The following ZNF227 variants were observed in gnomAD, a reference collection of about 807,000 sequenced individuals.
ZNF227 encodes zinc finger protein 227.
In ZNF227, 12 loss-of-function variants were observed where a neutral mutation model predicts 13.2. The observed-to-expected ratio is 0.91, with a 90% confidence interval of 0.58 to 1.47. The LOEUF (loss-of-function observed/expected upper bound fraction) is 1.47, where lower values mean the gene tolerates loss of function less well. Among genes scored for constraint, ZNF227 ranks in the 40% most tolerant of loss-of-function variants. ZNF227 has a pLI of 0.00. For synonymous variants in ZNF227, 338 were observed against 326.0 expected (o/e 1.04, Z -0.40); for missense variants, 885 against 967.5 (o/e 0.91, Z 1.13).
At chr19:44,226,258 G>A (rs1379348358) in intron 3 of ZNF227, among the ~76,000 whole-genome samples, 2 of 152,216 alleles carry the variant, frequency 1.3e-5, no homozygotes, top group African/African-American at 4.8e-5. Flanking sequence ...CAGTCTGCCG[G>A]ATCTCAGATC....
At chr19:44,227,713 A>G (rs1973325810) in intron 3 of ZNF227, among the ~76,000 whole-genome samples, 1 of 152,188 alleles carries the variant, frequency 6.6e-6, no homozygotes, top group African/African-American at 2.4e-5. Context: ...AAAGAAGAGG[A>G]AATTCAGTTA....
In ZNF227 at chr19:44,216,216, T is replaced by G. The variant is rs143934411; in HGVS notation, c.-2-1575T>G. Reference sequence around the variant, plus strand: ...TCACATGGTTATAAATTCTCTTCATTTTTTTTTTCAGCTAAAATATTGTTT... The same window carrying G: ...TCACATGGTTATAAATTCTCTTCATGTTTTTTTTCAGCTAAAATATTGTTT... On this transcript the variant is annotated intron_variant, in intron 2 of 5. Coordinates refer to ENST00000313040, the MANE Select transcript of ZNF227 (RefSeq NM_182490.3). Among the ~76,000 whole-genome samples the G allele has an allele frequency of 7.0e-3, 1,063 of 151,250 alleles. 5 individuals carry two copies. Among genetic ancestry groups the G allele is most frequent in the Non-Finnish European group, 0.012 (790 of 67,734 alleles).
rs1370871749 is a variant in ZNF227, at chr19:44,235,827, G to A, written c.1397G>A (p.Cys466Tyr). The change falls in exon 6 of 6, where the codon TGT becomes TAT. Residue 466 changes from cysteine to tyrosine, a missense_variant. Cys to Tyr is a radical substitution (Grantham distance 194). Transcript: ENST00000313040. ...CACACAGGAGAGAAGCCATACAAGT[G>A]TGAGGCGTGTGGGAAAGGCTTTACC... ...RVHTGEKPYK[C>Y]EACGKGFTRN... The A allele has an allele frequency of 6.2e-7, 1 of 1,614,028 alleles. No homozygotes were observed. Among genetic ancestry groups the A allele is most frequent in the East Asian group, 2.2e-5 (1 of 44,872 alleles).
chr19:44,235,531 T>A lies in ZNF227; in HGVS notation c.1101T>A (p.Phe367Leu). 1.9e-6 allele frequency: 3 copies of A among 1,614,158 alleles called. No individual in the cohort carries two copies. The highest frequency in any genetic ancestry group is 2.5e-6 in the Non-Finnish European group (3 of 1,180,030). ...AATGCTTTAGTCAAAGTTCAAATTTTCAGTGCCATCAGAGAGTCCACACTG... is the reference window on the plus strand; with the variant it reads ...AATGCTTTAGTCAAAGTTCAAATTTACAGTGCCATCAGAGAGTCCACACTG... ...CGKCFSQSSN[F>L]QCHQRVHTEE... Residue 367 changes from phenylalanine to leucine, a missense_variant, in exon 6 of 6, where the codon TTT becomes TTA. By Grantham distance (22) the Phe-to-Leu change is conservative. Transcript: ENST00000313040.
Position 44,218,051 on chromosome 19 carries a change from C to T in ZNF227, c.60+199C>T, listed in dbSNP as rs190402067. Among the ~76,000 whole-genome samples, 555 of 152,244 alleles carry T rather than the reference C, an allele frequency of 3.6e-3. 10 individuals are homozygous for T. The highest frequency in any genetic ancestry group is 0.034 in the South Asian group (163 of 4,828). ...ACAGTGTTTGAAAAAATAATAGAAG[C>T]TTTAATCAGAAATAATCTATGCTAC... On this transcript the variant is annotated intron_variant, in intron 3 of 5. Coordinates refer to ENST00000313040, the MANE Select transcript of ZNF227 (RefSeq NM_182490.3).
Position 44,236,886 on chromosome 19 carries a change from T to TA in ZNF227, c.*57dup. On this transcript the variant is annotated 3_prime_UTR_variant, in exon 6 of 6. Coordinates refer to ENST00000313040, the MANE Select transcript of ZNF227 (RefSeq NM_182490.3). ...GAATGCACATCTTCAAGTTTTTGGCTAGTCCATGCTGGTGGTAAACCCTGT... is the reference window on the plus strand; with the variant it reads ...GAATGCACATCTTCAAGTTTTTGGCTAAGTCCATGCTGGTGGTAAACCCTGT... The TA allele has an allele frequency of 1.4e-6, 2 of 1,438,196 alleles. No homozygotes were observed. The highest frequency in any genetic ancestry group is 1.9e-6 in the Non-Finnish European group (2 of 1,067,232). The allele number at this position is 1,438,196 out of a possible 1,614,324, so 89.1% of individuals were successfully genotyped here.
intron 3 of ZNF227, among the ~76,000 whole-genome samples, chr19:44,224,025 C>T (rs139441528): frequency 0.097 from 14,830 of 152,158 alleles, 1,717 homozygotes; most frequent in African/African-American, 0.26. Context: ...GTTATATACC[C>T]AGTAGTCATT....
intron 5 of ZNF227, 28 bp downstream of exon 5, chr19:44,229,844 CT>C: frequency 6.7e-7 from 1 of 1,493,824 alleles, no homozygotes; most frequent in Non-Finnish European, 9.1e-7. Flanking sequence ...AACCCTGTGT[CT>C]GTTCTTTCAG....
At chr19:44,210,462 C>A (rs1456459449), upstream of ZNF227, among the ~76,000 whole-genome samples, 2 of 152,188 alleles carry the variant, frequency 1.3e-5, no homozygotes, top group African/African-American at 2.4e-5. Context: ...GTATTTTAAT[C>A]TAGATAGCTT....
At position 44,221,624 on chromosome 19, in the gene ZNF227, G is replaced by A. The variant is rs577581357; in HGVS notation, c.60+3772G>A. On this transcript the variant is annotated intron_variant, in intron 3 of 5. Transcript: ENST00000313040. ...TGATGGGGTTGTTTGCTTTTTTCTT[G>A]TAAATTTGTTTGAGTTCATTGTAGA... Among the ~76,000 whole-genome samples the A allele has an allele frequency of 3.4e-3, 524 of 152,220 alleles. 3 individuals are homozygous for A. The highest frequency in any genetic ancestry group is 0.011 in the African/African-American group (466 of 41,546).
chr19:44,234,738 A>C lies in ZNF227; in HGVS notation c.308A>C (p.Lys103Thr), dbSNP rs1228651702. 8.1e-6 allele frequency: 13 copies of C among 1,598,250 alleles called. No homozygotes were observed. The highest frequency in any genetic ancestry group is 1.1e-5 in the Non-Finnish European group (13 of 1,176,112). ...KHQNKMETLQ[K>T]FALKYLSNQE... ...CAAAATAAGATGGAAACACTCCAAA[A>C]ATTTGCATTAAAATACCTTTCAAAT... The change falls in exon 6 of 6, where the codon AAA (lysine) becomes ACA (threonine). Residue 103 changes from lysine (K) to threonine (T), a missense_variant. By Grantham distance (78) the Lys-to-Thr change is moderately conservative (BLOSUM62 -1). Coordinates refer to ENST00000313040, the MANE Select transcript of ZNF227 (RefSeq NM_182490.3).
In ZNF227 at chr19:44,235,822, C is replaced by G. The variant is rs1974410368; in HGVS notation, c.1392C>G (p.Tyr464Ter). ...GAGTCCACACAGGAGAGAAGCCATA[C>G]AAGTGTGAGGCGTGTGGGAAAGGCT... ...HRRVHTGEKP[Y>*]KCEACGKGFT... The change falls in exon 6 of 6, where the codon TAC becomes TAG. Residue 464 changes from tyrosine to a stop codon, truncating the protein, a stop_gained. Transcript: ENST00000313040. LOFTEE classifies it low-confidence loss of function (END_TRUNC). The G allele has an allele frequency of 7.4e-6, 12 of 1,612,908 alleles. No homozygotes were observed. Among genetic ancestry groups the G allele is most frequent in the Non-Finnish European group, 1.0e-5 (12 of 1,179,746 alleles).
chr19:44,218,507 AT>A (rs1273036771), intron 3 of ZNF227, among the ~76,000 whole-genome samples: 3 of 152,212 alleles, frequency 2.0e-5, no homozygotes, highest in Admixed American at 6.5e-5. Flanking sequence ...ATTTTATTAG[AT>A]GCTTTCAGAG....
At chr19:44,227,500 G>A (rs10406704) in intron 3 of ZNF227, among the ~76,000 whole-genome samples, 1,861 of 152,010 alleles carry the variant, frequency 0.012, 44 homozygotes, top group African/African-American at 0.043. Context: ...TGCCCGCCTC[G>A]GCCTCCCAAA....
chr19:44,234,125 C>T lies in ZNF227; in HGVS notation c.272-577C>T, dbSNP rs573187645. On this transcript the variant is annotated intron_variant, in intron 5 of 5. Coordinates refer to ENST00000313040, the MANE Select transcript of ZNF227 (RefSeq NM_182490.3). Reference sequence around the variant, plus strand: ...GTTTGCACTATGCTCTATTTCCTCTCCGAAGTTCTCTCCTAGTTATACAAG... The same window carrying T: ...GTTTGCACTATGCTCTATTTCCTCTTCGAAGTTCTCTCCTAGTTATACAAG... Among the ~76,000 whole-genome samples the T allele has an allele frequency of 1.7e-3, 264 of 152,284 alleles. 1 individual carries two copies. Among genetic ancestry groups the T allele is most frequent in the African/African-American group, 6.0e-3 (250 of 41,574 alleles).
At chr19:44,223,681 G>T (rs981320717) in intron 3 of ZNF227, among the ~76,000 whole-genome samples, 1 of 152,010 alleles carries the variant, frequency 6.6e-6, no homozygotes, top group Non-Finnish European at 1.5e-5. Context: ...CTTGCTAGCG[G>T]TCTATCAATT....
rs1429687835 is a variant in ZNF227 at position 44,235,584 on chromosome 19, G to A, written c.1154G>A (p.Cys385Tyr). The change falls in exon 6 of 6, where the codon TGT becomes TAT. Residue 385 changes from cysteine to tyrosine, a missense_variant. Cys to Tyr is a radical substitution (Grantham distance 194, BLOSUM62 -2). Coordinates refer to ENST00000313040, the MANE Select transcript of ZNF227 (RefSeq NM_182490.3). ...TEEKPYKCEECGKGFGWSVNL... is the reference protein window; with the variant it reads ...TEEKPYKCEEYGKGFGWSVNL... ...GAAAAACCATACAAATGCGAAGAGT[G>A]TGGTAAGGGCTTCGGTTGGAGTGTT... 6.2e-7 allele frequency: 1 copy of A among 1,614,222 alleles called. No homozygotes were observed. The highest frequency in any genetic ancestry group is 8.5e-7 in the Non-Finnish European group (1 of 1,180,044).
chr19:44,219,167 G>A (rs574459412), intron 3 of ZNF227, among the ~76,000 whole-genome samples: 5 of 152,174 alleles, frequency 3.3e-5, no homozygotes, highest in African/African-American at 4.8e-5. Context: ...GATTATAGGC[G>A]TGAACCAGTG....
intron 3 of ZNF227, among the ~76,000 whole-genome samples, chr19:44,223,954 G>A (rs1972821707): frequency 6.6e-6 from 1 of 152,106 alleles, no homozygotes; most frequent in Non-Finnish European, 1.5e-5. Context: ...CAGAGATTCT[G>A]GTATGTTGTT....
Sources: allele counts gnomAD v4.1 joint callset (sites outside exome capture counted in the v4.1 genomes callset), GRCh38; gene constraint gnomAD v4.1.1; transcripts MANE v1.5; gene names NCBI Gene and HGNC (gene_info 2026-07-23, HGNC 2026-07-21).